The following BPI variants were observed in gnomAD, a reference collection of about 807,000 sequenced individuals.
BPI encodes bactericidal permeability-increasing protein.
Under a neutral mutation model 57.6 loss-of-function variants are expected in BPI, and 48 were observed. The observed-to-expected ratio is 0.83, with a 90% CI of 0.66 to 1.06. BPI has a LOEUF of 1.06. Ranked by LOEUF, BPI falls within the 50% of genes least tolerant of loss-of-function variation. The probability of loss-of-function intolerance (pLI) is 0.00; values close to 1 mark genes in which losing one functional copy is unlikely to be tolerated. For synonymous variants in BPI, 237 were observed against 238.2 expected, an observed-to-expected ratio of 0.99 and a Z score of 0.05; for missense variants, 651 against 609.7, an observed-to-expected ratio of 1.07 and a Z score of -0.71.
At chr20:38,324,258 A>C (rs2076701230) in intron 8 of BPI, among the ~76,000 whole-genome samples, 1 of 152,194 alleles carries the variant, frequency 6.6e-6, no homozygotes. Flanking sequence ...TTGTTTTGTC[A>C]TCTGTAAAAC....
Position 38,318,482 on chromosome 20 carries a change from G to T in BPI, c.664+6G>T. 1 of 1,612,120 alleles carries T rather than the reference G, an allele frequency of 6.2e-7. No homozygotes were observed. Among genetic ancestry groups the T allele is most frequent in the Non-Finnish European group, 8.5e-7 (1 of 1,178,152 alleles). On this transcript the variant is annotated splice_donor_region_variant and intron_variant, in intron 6 of 14. Coordinates refer to ENST00000642449, the MANE Select transcript of BPI (RefSeq NM_001725.3). ...TTATTTCCAGACTCTGCCAGGTGAG[G>T]GCTGGATGAAGATCAAGGATAGAAA...
intron 11 of BPI, among the ~76,000 whole-genome samples, chr20:38,330,522 T>C (rs895301032): frequency 3.3e-5 from 5 of 152,178 alleles, no homozygotes; most frequent in Non-Finnish European, 5.9e-5. Context: ...CTCAGGTAAC[T>C]GAAAAATCCA....
chr20:38,304,401 A>G (rs754753092), intron 1 of BPI, 48 bp downstream of exon 1: 1 of 1,600,250 alleles, frequency 6.2e-7, no homozygotes, highest in Non-Finnish European at 8.5e-7. Flanking sequence ...AGGAGCACTT[A>G]CTTAGCATCT....
At chr20:38,312,368 C>A (rs1171055605) in intron 5 of BPI, among the ~76,000 whole-genome samples, 1 of 152,236 alleles carries the variant, frequency 6.6e-6, no homozygotes, top group Non-Finnish European at 1.5e-5. Flanking sequence ...CAAACCCCAG[C>A]CATAGCCCAT....
chr20:38,311,067 T>A (rs956637264), intron 4 of BPI, among the ~76,000 whole-genome samples: 1 of 152,224 alleles, frequency 6.6e-6, no homozygotes, highest in Non-Finnish European at 1.5e-5. Context: ...GAGCTAATAT[T>A]GGTCAGAGGC....
chr20:38,319,357 A>C (rs963753777), intron 6 of BPI, among the ~76,000 whole-genome samples: 1 of 152,270 alleles, frequency 6.6e-6, no homozygotes, highest in African/African-American at 2.4e-5. Flanking sequence ...TCTGGAGCTA[A>C]GATTTCCTTC....
At chr20:38,320,152 C>A (rs1444854473) in intron 6 of BPI, 31 bp from the exon 7 acceptor site, 1 of 1,563,772 alleles carries the variant, frequency 6.4e-7, no homozygotes. Context: ...GCCGTGGGAG[C>A]CAGCTCATGG....
intron 6 of BPI, 75 bp downstream of exon 6, chr20:38,318,551 T>C: frequency 2.0e-6 from 3 of 1,531,172 alleles, no homozygotes; most frequent in South Asian, 1.1e-5. Flanking sequence ...GTGGATGTGA[T>C]GGGGCCGGCA....
chr20:38,326,193 G>A lies in BPI; in HGVS notation c.994-72G>A. On this transcript the variant is annotated intron_variant, in intron 9 of 14. Coordinates refer to ENST00000642449, the MANE Select transcript of BPI (RefSeq NM_001725.3). ...ATTGAAGGTATTTAAGTAGGGGCAG[G>A]CCAAGGTAGGATTCAGAAACATTTT... The A allele has an allele frequency of 2.0e-6, 3 of 1,480,476 alleles. No individual in the cohort carries two copies. The South Asian group carries it at 3.9e-5, about 19-fold the overall frequency. The allele number at this position is 1,480,476 out of a possible 1,614,324, so 91.7% of individuals were successfully genotyped here.
chr20:38,320,392 A>G, intron 7 of BPI, 118 bp downstream of exon 7: 1 of 803,336 alleles, frequency 1.2e-6, no homozygotes, highest in Non-Finnish European at 1.9e-6. Context: ...ACTCACCACC[A>G]CCCTCTCTAC....
Position 38,309,070 on chromosome 20 carries a change from T to C in BPI, c.374+12T>C, listed in dbSNP as rs2076610060. On this transcript the variant is annotated intron_variant, in intron 3 of 14. Transcript: ENST00000642449. ...CAAAAGAGATTCTTGTGCGTTTCCA[T>C]GCTTGCGGTTTGTTGGGTGTGCTCT... The C allele has an allele frequency of 6.2e-7, 1 of 1,614,008 alleles. No individual in the cohort carries two copies. Among genetic ancestry groups the C allele is most frequent in the Non-Finnish European group, 8.5e-7 (1 of 1,179,904 alleles).
Position 38,337,469 on chromosome 20 carries a change from C to T in BPI, c.*285C>T. ...TGTAACCAAGAAATTTCCATTTGTG[C>T]TTCATGAAAAAAAACTTCTGGTTTT... On this transcript the variant is annotated 3_prime_UTR_variant, in exon 15 of 15. Transcript: ENST00000642449. 3.0e-6 allele frequency: 1 copy of T among 338,328 alleles called. No homozygotes were observed. 21.0% of individuals were successfully genotyped at this position (338,328 alleles called of 1,614,324 possible). A position where few individuals can be genotyped will look rare whatever the true frequency, so the allele number is the denominator to read the frequency against.
chr20:38,326,189 G>A (rs1231367008), intron 9 of BPI, 76 bp from the exon 10 acceptor site: 3 of 1,438,802 alleles, frequency 2.1e-6, no homozygotes, highest in South Asian at 1.3e-5. Context: ...TTAAGTAGGG[G>A]CAGGCCAAGG....
intron 1 of BPI, among the ~76,000 whole-genome samples, chr20:38,306,887 A>G (rs1044836864): frequency 2.7e-5 from 4 of 148,968 alleles, no homozygotes; most frequent in Admixed American, 1.3e-4. Context: ...AAATGATGGG[A>G]AAAAAATCAA....
chr20:38,326,094 T>C (rs1287289778), intron 9 of BPI, among the ~76,000 whole-genome samples, 171 bp from the exon 10 acceptor site: 1 of 152,096 alleles, frequency 6.6e-6, no homozygotes, highest in Admixed American at 6.6e-5. Flanking sequence ...CAGAGGTACA[T>C]GTGGTGAGGT....
chr20:38,315,058 T>G (rs2076645774), intron 5 of BPI, among the ~76,000 whole-genome samples: 1 of 152,058 alleles, frequency 6.6e-6, no homozygotes, highest in African/African-American at 2.4e-5. Context: ...ATATACTGAG[T>G]GTTTACAGTG....
intron 12 of BPI, among the ~76,000 whole-genome samples, chr20:38,331,527 A>G (rs1909159547): frequency 6.6e-6 from 1 of 152,174 alleles, no homozygotes; most frequent in African/African-American, 2.4e-5. Context: ...AGAGCCTTAC[A>G]TGGCAGTGGG....
intron 4 of BPI, among the ~76,000 whole-genome samples, chr20:38,311,007 G>A (rs1314603721): frequency 1.3e-5 from 2 of 152,186 alleles, no homozygotes; most frequent in Non-Finnish European, 2.9e-5. Context: ...TCTGCACCAG[G>A]CTCGTGCAAC....
At chr20:38,329,169 G>A (rs2076729509) in intron 11 of BPI, among the ~76,000 whole-genome samples, 1 of 152,100 alleles carries the variant, frequency 6.6e-6, no homozygotes, top group Non-Finnish European at 1.5e-5. Context: ...ATGTAGAAAA[G>A]GAAAGGTAGA....
Sources: gnomAD v4.1 joint callset for allele counts (sites outside exome capture counted in the v4.1 genomes callset) on GRCh38, gnomAD v4.1.1 for gene constraint, MANE v1.5 for transcripts, NCBI Gene and HGNC (gene_info 2026-07-23, HGNC 2026-07-21) for gene names.